TENM1: variants seen among roughly 807,000 people sequenced by gnomAD.
The protein encoded by TENM1 is teneurin transmembrane protein 1.
Under a neutral mutation model 174.8 loss-of-function variants are expected in TENM1, and 35 were observed. That is an observed-to-expected ratio of 0.20 (90% confidence interval 0.15 to 0.27). TENM1 has a LOEUF of 0.27. TENM1 is among the 10% of genes least tolerant of loss of function. The probability of loss-of-function intolerance (pLI) is 1.00; values close to 1 mark genes in which losing one functional copy is unlikely to be tolerated. For synonymous variants in TENM1, 781 were observed against 798.7 expected (o/e 0.98, Z 0.37); for missense variants, 1,633 against 2,130.1 (o/e 0.77, Z 4.59).
the TENM1 span, among the ~76,000 whole-genome samples, chrX:125,046,199 T>A: frequency 1.8e-5 from 2 of 112,020 alleles, no homozygotes; most frequent in Non-Finnish European, 3.8e-5. Context: ...TATTACCCTA[T>A]TAAAAGGTGT....
the TENM1 span, among the ~76,000 whole-genome samples, chrX:125,056,852 A>G: frequency 3.6e-5 from 4 of 111,986 alleles, no homozygotes; most frequent in Admixed American, 1.9e-4. Flanking sequence ...GAGCTGCTTA[A>G]AACAATCAGC....
At chrX:124,613,372 G>T (rs1316670175) in intron 11 of TENM1, among the ~76,000 whole-genome samples, 1 of 110,472 alleles carries the variant, frequency 9.1e-6, no homozygotes, top group Non-Finnish European at 1.9e-5. Context: ...TGGTTTTAAT[G>T]TATATGTAAA....
At chrX:124,587,875 C>T (rs1156302323) in intron 11 of TENM1, among the ~76,000 whole-genome samples, 33 of 111,510 alleles carry the variant, frequency 3.0e-4, no homozygotes, top group Middle Eastern at 4.6e-3. Flanking sequence ...AAAAAGTGGG[C>T]GAAGGACATG....
At chrX:124,824,372 T>C (rs964774546) in intron 3 of TENM1, among the ~76,000 whole-genome samples, 3 of 112,084 alleles carry the variant, frequency 2.7e-5, no homozygotes, top group Non-Finnish European at 3.8e-5. Context: ...TTTTCTTAAC[T>C]GCTCTATTCA....
At chrX:124,406,262 G>A (rs764277872) in intron 26 of TENM1, 55 bp downstream of exon 29, 24 of 990,792 alleles carry the variant, frequency 2.4e-5, no homozygotes, top group Non-Finnish European at 3.4e-5. Context: ...CAGGTTTCAA[G>A]GTGGATGTTG....
chrX:124,695,544 G>A (rs189019948), intron 5 of TENM1, among the ~76,000 whole-genome samples: 3 of 111,181 alleles, frequency 2.7e-5, no homozygotes, highest in East Asian at 2.8e-4. Flanking sequence ...CCTCATTAGC[G>A]AGAATGCTAC....
chrX:124,950,975 G>A (rs776743374), intron 1 of TENM1, among the ~76,000 whole-genome samples: 146 of 111,948 alleles, frequency 1.3e-3, no homozygotes, highest in African/African-American at 4.3e-3. Flanking sequence ...CGGATGTCAT[G>A]TAAGATTATA....
intron 3 of TENM1, among the ~76,000 whole-genome samples, chrX:124,877,500 T>A (rs2057226556): frequency 8.9e-6 from 1 of 111,901 alleles, no homozygotes; most frequent in Admixed American, 9.5e-5. Context: ...CACATACTCA[T>A]TCAAGGAATT....
the TENM1 span, among the ~76,000 whole-genome samples, chrX:125,099,395 A>G: frequency 1.8e-5 from 2 of 112,493 alleles, no homozygotes; most frequent in Non-Finnish European, 3.8e-5. Context: ...GTATGAAACC[A>G]TTCTTTAAAC....
intron 1 of TENM1, among the ~76,000 whole-genome samples, chrX:124,938,817 C>G (rs1013096273): frequency 1.8e-5 from 2 of 111,258 alleles, no homozygotes; most frequent in Admixed American, 1.9e-4. Flanking sequence ...GTATATACAT[C>G]GATGCTCAAA....
chrX:124,412,623 A>G (rs1364368956), intron 25 of TENM1, among the ~76,000 whole-genome samples: 1 of 112,658 alleles, frequency 8.9e-6, no homozygotes, highest in Non-Finnish European at 1.9e-5. Context: ...TTCTTTAGGA[A>G]ATATGGGATT....
chrX:124,703,187 A>G (rs1569401547), intron 5 of TENM1, among the ~76,000 whole-genome samples: 1 of 111,686 alleles, frequency 9.0e-6, no homozygotes, highest in Non-Finnish European at 1.9e-5. Flanking sequence ...GAGACCTGAA[A>G]AGGTTAAGTA....
chrX:124,501,176 T>C (rs2047322369), intron 19 of TENM1, among the ~76,000 whole-genome samples: 1 of 111,851 alleles, frequency 8.9e-6, no homozygotes, highest in Non-Finnish European at 1.9e-5. Flanking sequence ...TGCACAACTT[T>C]CTTATAATTT....
At chrX:124,553,506 A>C (rs2048623585) in intron 14 of TENM1, among the ~76,000 whole-genome samples, 1 of 107,672 alleles carries the variant, frequency 9.3e-6, no homozygotes, top group Non-Finnish European at 1.9e-5. Flanking sequence ...ATCTCAAAAA[A>C]AAAAAAAAAG....
chrX:124,815,430 T>C (rs1369198733), intron 3 of TENM1, among the ~76,000 whole-genome samples: 2 of 111,656 alleles, frequency 1.8e-5, no homozygotes, highest in African/African-American at 6.5e-5. Flanking sequence ...CTTGCTCTGC[T>C]AAAACTAGGG....
the TENM1 span, among the ~76,000 whole-genome samples, chrX:124,985,970 T>C: frequency 9.0e-6 from 1 of 111,246 alleles, no homozygotes; most frequent in African/African-American, 3.3e-5. Context: ...TCATTAAAAG[T>C]TTGCAATGTC....
At chrX:124,724,508 T>C (rs1057176350) in intron 4 of TENM1, among the ~76,000 whole-genome samples, 2 of 112,086 alleles carry the variant, frequency 1.8e-5, no homozygotes, top group Non-Finnish European at 3.8e-5. Flanking sequence ...TCAAAATTCA[T>C]ATGTTGGCCA....
At chrX:124,377,447 T>C (rs745423995) in exon 32 of TENM1, 1 of 111,847 alleles carries the variant, frequency 8.9e-6, no homozygotes, top group East Asian at 2.8e-4. Flanking sequence ...TGCAAGTTAG[T>C]ATGAATTGAG....
At chrX:124,917,542 A>C (rs892255153) in intron 1 of TENM1, among the ~76,000 whole-genome samples, 3 of 111,549 alleles carry the variant, frequency 2.7e-5, no homozygotes, top group African/African-American at 9.8e-5. Context: ...CCTTCACTAT[A>C]TCACCTCCAC....
Sources: gnomAD v4.1 joint callset for allele counts (sites outside exome capture counted in the v4.1 genomes callset) on GRCh38, gnomAD v4.1.1 for gene constraint, MANE v1.5 for transcripts, NCBI Gene and HGNC (gene_info 2026-07-23, HGNC 2026-07-21) for gene names.